PRSS12: variants seen among roughly 807,000 people sequenced by gnomAD.
The protein encoded by PRSS12 is serine protease 12.
PRSS12 carries 85 observed loss-of-function variants against 104.4 expected under a neutral mutation model. The ratio of observed to expected loss-of-function variants is 0.81; its 90% confidence interval spans 0.68 to 0.98. PRSS12 has a LOEUF of 0.98. Ranked by LOEUF, PRSS12 falls within the 50% of genes least tolerant of loss-of-function variation. PRSS12 has a pLI of 0.00. For synonymous variants in PRSS12, 454 were observed against 425.2 expected (o/e 1.07, Z -0.83); for missense variants, 1,141 against 1,139.2 (o/e 1.00, Z -0.02).
At chr4:118,326,308 T>C (rs1481354167) in intron 4 of PRSS12, among the ~76,000 whole-genome samples, 1 of 152,244 alleles carries the variant, frequency 6.6e-6, no homozygotes, top group Non-Finnish European at 1.5e-5. Flanking sequence ...ATGTTTGATG[T>C]GTATCAAATG....
intron 1 of PRSS12, among the ~76,000 whole-genome samples, chr4:118,347,893 T>C (rs1265765146): frequency 6.6e-6 from 1 of 152,180 alleles, no homozygotes; most frequent in Non-Finnish European, 1.5e-5. Flanking sequence ...CTGTTAATTC[T>C]TCCTGTAGAA....
In PRSS12 at chr4:118,282,149, T is replaced by G. The variant is rs1742891794; in HGVS notation, c.2415A>C (p.Arg805Ser). 6.2e-7 allele frequency: 1 copy of G among 1,614,166 alleles called. No homozygotes were observed. Residue 805 changes from arginine (R) to serine (S), a missense_variant, in exon 13 of 13, where the codon AGA (arginine) becomes AGC (serine). Coordinates refer to ENST00000296498, the MANE Select transcript of PRSS12 (RefSeq NM_003619.4). ...EERYKGRFTG[R>S]MLCAGNLHEH... ...CATGGAGGTTTCCAGCACAAAGCAT[T>G]CTCCCTGTAAACCGACCCTTATAAC...
Position 118,318,340 on chromosome 4 carries a change from G to T in PRSS12, c.1150+38C>A, listed in dbSNP as rs1439222964. 1.9e-6 allele frequency: 3 copies of T among 1,604,972 alleles called. No homozygotes were observed. In the African/African-American group the frequency reaches 4.0e-5, roughly 21 times the overall value. ...CTGTGGCAGGCCGACATGGTACTGGGGGCAAGAACTGGTACACTAATGGAG... is the reference window on the plus strand; with the variant it reads ...CTGTGGCAGGCCGACATGGTACTGGTGGCAAGAACTGGTACACTAATGGAG... On this transcript the variant is annotated intron_variant, in intron 5 of 12. Transcript: ENST00000296498.
rs573822815 is a variant in PRSS12, at chr4:118,325,339, A to AG, written c.971+6376_971+6377insC. ...GCTGAAAATTAAAAAAAAAAAAAAA[A>AG]CACTACCTGGGTGTTTTATTTTCTT... On this transcript the variant is annotated intron_variant, in intron 4 of 12. Transcript: ENST00000296498. Among the ~76,000 whole-genome samples, 272 of 151,390 alleles carry AG rather than the reference A, an allele frequency of 1.8e-3. 2 individuals are homozygous for AG. Among genetic ancestry groups the AG allele is most frequent in the Middle Eastern group, 0.017 (5 of 292 alleles).
intron 8 of PRSS12, among the ~76,000 whole-genome samples, chr4:118,307,378 T>C (rs1379580427): frequency 6.6e-6 from 1 of 152,198 alleles, no homozygotes; most frequent in Non-Finnish European, 1.5e-5. Flanking sequence ...AAAATAAACA[T>C]GTATTCTTTA....
chr4:118,305,136 CAT>C (rs34020677), intron 8 of PRSS12, among the ~76,000 whole-genome samples: 14 of 148,278 alleles, frequency 9.4e-5, no homozygotes, highest in Non-Finnish European at 1.6e-4. Context: ...CACACACACA[CAT>C]ATATATATAT....
intron 6 of PRSS12, among the ~76,000 whole-genome samples, chr4:118,315,303 G>T (rs1743876509): frequency 6.6e-6 from 1 of 152,018 alleles, no homozygotes; most frequent in African/African-American, 2.4e-5. Context: ...ATAGCATAAG[G>T]ATAAAAAATT....
intron 1 of PRSS12, among the ~76,000 whole-genome samples, chr4:118,346,079 G>T (rs1724346657): frequency 6.6e-6 from 1 of 152,154 alleles, no homozygotes; most frequent in African/African-American, 2.4e-5. Context: ...TCCTGCAGAG[G>T]GGCTCTCTTC....
At chr4:118,304,250 G>A (rs975320419) in intron 8 of PRSS12, among the ~76,000 whole-genome samples, 33 of 151,542 alleles carry the variant, frequency 2.2e-4, no homozygotes, top group Middle Eastern at 3.4e-3. Context: ...TTGAGATTCC[G>A]TGGGGGAAGA....
chr4:118,349,929 G>A (rs1014023901), intron 1 of PRSS12, among the ~76,000 whole-genome samples: 1 of 152,118 alleles, frequency 6.6e-6, no homozygotes, highest in Non-Finnish European at 1.5e-5. Context: ...CTTGAACCAG[G>A]GAGGCGGAGG....
chr4:118,344,084 T>C (rs1203456492), intron 1 of PRSS12, among the ~76,000 whole-genome samples: 4 of 152,182 alleles, frequency 2.6e-5, no homozygotes, highest in Middle Eastern at 3.2e-3. Flanking sequence ...ATCCAGCTAG[T>C]GTTCAGATCC....
chr4:118,284,617 A>G (rs1420440244), intron 11 of PRSS12, among the ~76,000 whole-genome samples: 4 of 152,156 alleles, frequency 2.6e-5, no homozygotes, highest in African/African-American at 7.2e-5. Flanking sequence ...TTACAGCTCT[A>G]AAATCCTTCA....
intron 8 of PRSS12, among the ~76,000 whole-genome samples, chr4:118,299,822 T>TAAAAA (rs1391473829): frequency 9.5e-6 from 1 of 105,540 alleles, no homozygotes; most frequent in Non-Finnish European, 2.1e-5. Flanking sequence ...TAAAATAAAA[T>TAAAAA]AAAATAAAAT....
intron 11 of PRSS12, among the ~76,000 whole-genome samples, chr4:118,292,051 A>G (rs762527423): frequency 3.9e-5 from 6 of 152,020 alleles, no homozygotes; most frequent in South Asian, 2.1e-4. Context: ...CGTTCTGCAC[A>G]TGTATCCTAG....
In PRSS12 at chr4:118,331,722, C is replaced by T. The variant is rs913995157; in HGVS notation, c.965G>A (p.Gly322Asp). The change falls in exon 4 of 13, where the codon GGC becomes GAC. Residue 322 changes from glycine (G) to aspartate (D), a missense_variant. Gly to Asp is a moderately conservative substitution (Grantham distance 94). Coordinates refer to ENST00000296498, the MANE Select transcript of PRSS12 (RefSeq NM_003619.4). ...AAGAGTAGTAAAAACAAACCTGAGG[C>T]CCAGCTGCCTGCAGATCACTTCTGC... ...ADAEVICRQL[G>D]LSGIAKAWHQ... 2 of 1,614,086 alleles carry T rather than the reference C, an allele frequency of 1.2e-6. No individual in the cohort carries two copies. Among genetic ancestry groups the T allele is most frequent in the Admixed American group, 3.3e-5 (2 of 60,010 alleles).
chr4:118,295,037 G>T lies in PRSS12; in HGVS notation c.1941C>A (p.Ser647=), dbSNP rs753518116. ...CTCCATGGGATGACTTCAGCCGGAG[G>T]GAAACCTGCCAAGGCCAACCACCCC... ...SLRGGWPWQV[S]LRLKSSHGDG... is the part of the protein sequence containing the mutation. Residue 647 remains serine (S), a synonymous_variant, in exon 11 of 13, where the codon TCC becomes TCA. Transcript: ENST00000296498. The T allele has an allele frequency of 8.1e-6, 13 of 1,614,048 alleles. No homozygotes were observed. The highest frequency in any genetic ancestry group is 1.1e-5 in the Non-Finnish European group (13 of 1,180,012).
chr4:118,306,758 G>A (rs1034536371), intron 8 of PRSS12, among the ~76,000 whole-genome samples: 9 of 152,148 alleles, frequency 5.9e-5, no homozygotes, highest in African/African-American at 2.2e-4. Flanking sequence ...TAAATAAAAA[G>A]TAATGAACAA....
chr4:118,349,786 T>G (rs2126046989), intron 1 of PRSS12, among the ~76,000 whole-genome samples: 1 of 152,220 alleles, frequency 6.6e-6, no homozygotes, highest in South Asian at 2.1e-4. Context: ...GTGGATGGCC[T>G]GAGGTCAGGA....
chr4:118,305,936 C>T (rs1290043081), intron 8 of PRSS12: 1 of 152,124 alleles, frequency 6.6e-6, no homozygotes, highest in Admixed American at 6.5e-5. Flanking sequence ...TATATATACA[C>T]ATACATACCA....
Sources: gnomAD v4.1 joint callset for allele counts (sites outside exome capture counted in the v4.1 genomes callset) on GRCh38, gnomAD v4.1.1 for gene constraint, MANE v1.5 for transcripts, NCBI Gene and HGNC (gene_info 2026-07-23, HGNC 2026-07-21) for gene names.